Variants in POLA1 observed in about 807,000 individuals in gnomAD.
POLA1 encodes DNA polymerase alpha 1, catalytic subunit, also known as DNA polymerase alpha catalytic subunit.
POLA1 carries 15 observed loss-of-function variants against 124.0 expected under a neutral mutation model. The observed-to-expected ratio is 0.12, with a 90% CI of 0.08 to 0.19. The LOEUF (loss-of-function observed/expected upper bound fraction) is 0.19. POLA1 is among the 10% of genes least tolerant of loss of function. POLA1 has a pLI of 1.00. For missense variants in POLA1, 886 were observed against 1,103.4 expected (o/e 0.80, Z 2.79); for synonymous variants, 408 against 389.4 (o/e 1.05, Z -0.56).
At chrX:24,977,355 T>C (rs1056031991) in intron 36 of POLA1, among the ~76,000 whole-genome samples, 1 of 112,812 alleles carries the variant, frequency 8.9e-6, no homozygotes, top group Non-Finnish European at 1.9e-5. Context: ...TTTGAAAACA[T>C]TGTTCTACTG....
chrX:24,817,710 G>A (rs1202321641), intron 30 of POLA1, among the ~76,000 whole-genome samples: 2 of 110,385 alleles, frequency 1.8e-5, no homozygotes, highest in Non-Finnish European at 3.8e-5. Flanking sequence ...TGCAAGTACA[G>A]TAAATTCTGA....
At chrX:24,866,321 G>A (rs1173579698) in intron 34 of POLA1, among the ~76,000 whole-genome samples, 2 of 111,772 alleles carry the variant, frequency 1.8e-5, no homozygotes, top group Non-Finnish European at 3.8e-5. Context: ...TTTTGCCTTA[G>A]TTTTGCTTCT....
intron 26 of POLA1, among the ~76,000 whole-genome samples, chrX:24,801,930 T>TGG (rs1475455056): frequency 1.0e-5 from 1 of 95,908 alleles, no homozygotes; most frequent in South Asian, 5.6e-4. Context: ...GGTGGGTGTG[T>TGG]GTGTGTGTGT....
At chrX:24,952,075 G>C (rs760539263) in intron 36 of POLA1, among the ~76,000 whole-genome samples, 1 of 111,517 alleles carries the variant, frequency 9.0e-6, no homozygotes, top group Non-Finnish European at 1.9e-5. Context: ...TAAATGTGTT[G>C]GTTTGTACCA....
At chrX:24,946,638 A>C (rs1254648672) in intron 36 of POLA1, among the ~76,000 whole-genome samples, 2 of 111,126 alleles carry the variant, frequency 1.8e-5, no homozygotes, top group Non-Finnish European at 3.8e-5. Context: ...TTCATACTTT[A>C]AGGCCTCCCA....
chrX:24,825,853 T>C (rs1451575984), intron 31 of POLA1, among the ~76,000 whole-genome samples: 5 of 111,750 alleles, frequency 4.5e-5, no homozygotes. Flanking sequence ...TACTTCTTAC[T>C]GTATCTTGCA....
At chrX:24,838,943 AT>A (rs11573429) in intron 32 of POLA1, among the ~76,000 whole-genome samples, 3,222 of 112,157 alleles carry the variant, frequency 0.029, 109 homozygotes, top group African/African-American at 0.097. Context: ...TTTTGTGAGA[AT>A]TTGGAAAAAC....
At chrX:24,717,036 A>G in intron 8 of POLA1, 65 bp downstream of exon 8, 6 of 710,829 alleles carry the variant, frequency 8.4e-6, no homozygotes, top group African/African-American at 2.1e-5. Context: ...TGGAGGCCCT[A>G]TGATGGAGGA....
chrX:24,930,361 GT>G (rs1337640439), intron 35 of POLA1, 91 bp from the exon 36 acceptor site: 1 of 592,275 alleles, frequency 1.7e-6, no homozygotes, highest in Non-Finnish European at 2.8e-6. Flanking sequence ...TGATTTGGAA[GT>G]TGAAAGTAGG....
At chrX:24,926,900 C>T (rs945101664) in intron 35 of POLA1, among the ~76,000 whole-genome samples, 1 of 109,712 alleles carries the variant, frequency 9.1e-6, no homozygotes, top group Admixed American at 9.7e-5. Context: ...GGCGTGATCT[C>T]GGCTCACTGC....
At chrX:24,991,683 A>C (rs2147303703) in intron 36 of POLA1, among the ~76,000 whole-genome samples, 1 of 112,919 alleles carries the variant, frequency 8.9e-6, no homozygotes, top group Non-Finnish European at 1.9e-5. Context: ...TTGTCAGATC[A>C]GCCTACAGCC....
chrX:24,899,485 C>G (rs1174724912), intron 35 of POLA1, among the ~76,000 whole-genome samples: 1 of 111,325 alleles, frequency 9.0e-6, no homozygotes, highest in African/African-American at 3.3e-5. Flanking sequence ...GGCAGTATCT[C>G]AAGAAACAAT....
At chrX:24,985,880 G>T (rs997467566) in intron 36 of POLA1, among the ~76,000 whole-genome samples, 2 of 112,027 alleles carry the variant, frequency 1.8e-5, no homozygotes, top group Non-Finnish European at 3.8e-5. Context: ...TCTAAGAAAG[G>T]GTTCCTTCCA....
chrX:24,789,522 G>A (rs747236542), intron 26 of POLA1, among the ~76,000 whole-genome samples: 14 of 110,577 alleles, frequency 1.3e-4, no homozygotes, highest in African/African-American at 4.7e-4. Flanking sequence ...AAATAACATG[G>A]AAAGGGCCTG....
chrX:24,880,386 A>G (rs1254225826), intron 34 of POLA1, among the ~76,000 whole-genome samples: 4 of 112,238 alleles, frequency 3.6e-5, no homozygotes, highest in South Asian at 3.7e-4. Flanking sequence ...TGTTTTGATA[A>G]TTTTGTTCAA....
chrX:24,831,429 A>T (rs952512507), intron 32 of POLA1, among the ~76,000 whole-genome samples: 14 of 108,683 alleles, frequency 1.3e-4, no homozygotes, highest in African/African-American at 3.0e-4. Flanking sequence ...TTTATTTTTT[A>T]TTTTTTTTTG....
At chrX:24,909,995 G>A (rs2047424668) in intron 35 of POLA1, among the ~76,000 whole-genome samples, 1 of 110,937 alleles carries the variant, frequency 9.0e-6, no homozygotes, top group Non-Finnish European at 1.9e-5. Context: ...TCTCTTTGAA[G>A]CAAATGTGAA....
At chrX:24,794,655 C>T (rs1428108198) in intron 26 of POLA1, among the ~76,000 whole-genome samples, 2 of 111,776 alleles carry the variant, frequency 1.8e-5, no homozygotes, top group South Asian at 7.5e-4. Flanking sequence ...TGAGATATTT[C>T]AGGAGAGATG....
intron 34 of POLA1, among the ~76,000 whole-genome samples, chrX:24,885,827 A>G (rs1285565384): frequency 8.9e-6 from 1 of 112,300 alleles, no homozygotes; most frequent in East Asian, 2.8e-4. Flanking sequence ...CCCGGCCAGT[A>G]TCTTGTTTCT....
Sources: allele counts gnomAD v4.1 joint callset (sites outside exome capture counted in the v4.1 genomes callset), GRCh38; gene constraint gnomAD v4.1.1; transcripts MANE v1.5; gene names NCBI Gene and HGNC (gene_info 2026-07-23, HGNC 2026-07-21).